The following DMD variants were observed in gnomAD, a reference collection of about 807,000 sequenced individuals.
DMD encodes the protein mutant dystrophin.
Under a neutral mutation model 330.1 loss-of-function variants are expected in DMD, and 63 were observed. The observed-to-expected ratio is 0.19, with a 90% CI of 0.16 to 0.24. The LOEUF (loss-of-function observed/expected upper bound fraction) is 0.24. DMD is among the 10% of genes least tolerant of loss of function. The pLI, the probability that DMD is intolerant of heterozygous loss-of-function variation, is 1.00. For synonymous variants in DMD, 1,223 were observed against 959.8 expected (o/e 1.27, Z -5.07); for missense variants, 3,344 against 2,684.1 (o/e 1.25, Z -5.43).
At chrX:32,781,220 G>A (rs933685550) in intron 7 of DMD, among the ~76,000 whole-genome samples, 20 of 110,585 alleles carry the variant, frequency 1.8e-4, no homozygotes, top group African/African-American at 6.3e-4. Context: ...CCAATAACAG[G>A]ACTGAACAAG....
rs1357942398 is a variant in DMD at position 32,811,350 on chromosome X, A to C, written c.531-1739T>G. On this transcript the variant is annotated intron_variant, in intron 6 of 78. Transcript: ENST00000357033. ...GAAGAACCAGTCTCCTAAATAGATA[A>C]ATGAAAGAAAACTGCATGCCTCAAA... Among the ~76,000 whole-genome samples the C allele has an allele frequency of 1.4e-4, 16 of 110,478 alleles. No individual in the cohort carries two copies. In the Admixed American group the frequency reaches 1.6e-3, roughly 11 times the overall value.
chrX:31,308,366 T>C (rs1447035818), intron 62 of DMD, among the ~76,000 whole-genome samples: 2 of 111,884 alleles, frequency 1.8e-5, no homozygotes, highest in African/African-American at 6.5e-5. Flanking sequence ...CAAAGATTTA[T>C]AGTTTATAGC....
intron 18 of DMD, among the ~76,000 whole-genome samples, chrX:32,512,896 T>G (rs150233623): frequency 5.4e-5 from 6 of 111,542 alleles, no homozygotes; most frequent in African/African-American, 2.0e-4. Flanking sequence ...TGATTGGATG[T>G]TGTAAGGAAG....
chrX:32,577,977 C>T (rs948235398), intron 13 of DMD, among the ~76,000 whole-genome samples: 24 of 112,243 alleles, frequency 2.1e-4, no homozygotes, highest in African/African-American at 6.8e-4. Flanking sequence ...CTATTTATTG[C>T]TTAGCAATAT....
chrX:32,972,233 G>T (rs577427125), intron 2 of DMD, among the ~76,000 whole-genome samples: 1 of 110,924 alleles, frequency 9.0e-6, no homozygotes, highest in African/African-American at 3.3e-5. Flanking sequence ...GCTGGAGTGC[G>T]ATGGTGCAAT....
At chrX:31,522,964 G>A (rs1259318874) in intron 55 of DMD, among the ~76,000 whole-genome samples, 1 of 111,562 alleles carries the variant, frequency 9.0e-6, no homozygotes, top group East Asian at 2.8e-4. Context: ...ACACGTGCCT[G>A]TGAGCGTGAA....
intron 63 of DMD, among the ~76,000 whole-genome samples, chrX:31,255,307 T>C (rs768169298): frequency 1.8e-5 from 2 of 111,496 alleles, no homozygotes; most frequent in Non-Finnish European, 3.8e-5. Context: ...TTCTGGAGCC[T>C]TGAAGAGCTC....
chrX:31,522,347 C>CTA (rs2072856188), intron 55 of DMD, among the ~76,000 whole-genome samples: 1 of 66,649 alleles, frequency 1.5e-5, no homozygotes, highest in South Asian at 8.2e-4. Context: ...CTCTCTCTCT[C>CTA]TCTCTCTCTC....
intron 2 of DMD, among the ~76,000 whole-genome samples, chrX:33,013,617 A>G (rs1602708895): frequency 1.8e-5 from 2 of 112,426 alleles, no homozygotes; most frequent in East Asian, 5.6e-4. Flanking sequence ...CTGTTAAAGC[A>G]GGCACATTGC....
chrX:32,987,880 A>G (rs189962757), intron 2 of DMD, among the ~76,000 whole-genome samples: 1 of 109,934 alleles, frequency 9.1e-6, no homozygotes, highest in African/African-American at 3.3e-5. Context: ...AGTAATATCT[A>G]GTATATATCA....
At chrX:33,251,170 AAGAT>A (rs2052766690) in intron 1 of DMD, among the ~76,000 whole-genome samples, 1 of 112,028 alleles carries the variant, frequency 8.9e-6, no homozygotes, top group Non-Finnish European at 1.9e-5. Flanking sequence ...ATTAATTAAT[AAGAT>A]AAAGGTAATT....
chrX:31,401,027 A>G (rs1049540582), intron 60 of DMD, among the ~76,000 whole-genome samples: 1 of 112,037 alleles, frequency 8.9e-6, no homozygotes, highest in Non-Finnish European at 1.9e-5. Context: ...GTGATTTATC[A>G]TCAATGACTG....
At chrX:32,205,016 C>T (rs12838791) in intron 44 of DMD, among the ~76,000 whole-genome samples, 37 of 74,208 alleles carry the variant, frequency 5.0e-4, no homozygotes, top group Non-Finnish European at 9.4e-4. Flanking sequence ...CACATACACA[C>T]ACACACACAC....
chrX:33,004,104 T>A (rs1043255563), intron 2 of DMD, among the ~76,000 whole-genome samples: 2 of 112,231 alleles, frequency 1.8e-5, no homozygotes, highest in African/African-American at 6.5e-5. Context: ...AATTTCTCTT[T>A]CAGTATCAGG....
intron 44 of DMD, among the ~76,000 whole-genome samples, chrX:32,160,723 A>G (rs1352102188): frequency 1.8e-5 from 2 of 110,699 alleles, no homozygotes; most frequent in Non-Finnish European, 3.8e-5. Flanking sequence ...GGTTTTTTTG[A>G]TGTAGTTTTG....
chrX:31,928,765 T>A (rs2149984002), intron 47 of DMD, among the ~76,000 whole-genome samples: 1 of 112,120 alleles, frequency 8.9e-6, no homozygotes, highest in African/African-American at 3.2e-5. Context: ...GATTGAATTG[T>A]TCACTTTAAA....
intron 51 of DMD, among the ~76,000 whole-genome samples, chrX:31,761,231 A>G (rs1362683629): frequency 1.8e-5 from 2 of 110,756 alleles, no homozygotes; most frequent in Admixed American, 9.7e-5. Context: ...TAACGGCACA[A>G]AACAGCTGAG....
chrX:33,311,575 A>G (rs973127001), intron 1 of DMD, among the ~76,000 whole-genome samples: 1 of 110,834 alleles, frequency 9.0e-6, no homozygotes, highest in African/African-American at 3.3e-5. Flanking sequence ...CTAAAGTCTG[A>G]ATTTTTTTCT....
chrX:31,548,390 TG>T (rs1385150634), intron 55 of DMD, among the ~76,000 whole-genome samples: 1 of 111,147 alleles, frequency 9.0e-6, no homozygotes, highest in Non-Finnish European at 1.9e-5. Context: ...CCTTTTCTTC[TG>T]GTCATGATTC....
Sources: allele counts gnomAD v4.1 joint callset (sites outside exome capture counted in the v4.1 genomes callset), GRCh38; gene constraint gnomAD v4.1.1; transcripts MANE v1.5; gene names NCBI Gene and HGNC (gene_info 2026-07-23, HGNC 2026-07-21).